The following B3GALT5 variants were observed in gnomAD, a reference collection of about 807,000 sequenced individuals.
B3GALT5 encodes the protein UDP-Gal:betaGlcNAc beta 1,3-galactosyltransferase, polypeptide 5.
For synonymous variants in B3GALT5, 156 were observed against 158.6 expected (o/e 0.98, Z 0.12); for missense variants, 328 against 396.6 (o/e 0.83, Z 1.47).
Position 39,639,339 on chromosome 21 carries a change from TTTCTTTCTTTCCTTCCTTCC to T in B3GALT5, c.-391-7049_-391-7030del, listed in dbSNP as rs1294515887. Among the ~76,000 whole-genome samples, 60 of 108,282 alleles carry T rather than the reference TTTCTTTCTTTCCTTCCTTCC, an allele frequency of 5.5e-4. No individual in the cohort carries two copies. The East Asian group carries it at 0.011, about 20-fold the overall frequency. The allele number at this position is 108,282 out of a possible 152,430, so 71.0% of individuals were successfully genotyped here. ...CTTTCTTTCTTTCTTTCTTTCTTTC[TTTCTTTCTTTCCTTCCTTCC>T]TTCCTTCCTTCCTTCCTTCCTTCCT... On this transcript the variant is annotated intron_variant, in intron 1 of 3. Transcript: ENST00000684187.
chr21:39,632,299 G>A (rs62222824), intron 1 of B3GALT5, among the ~76,000 whole-genome samples: 20,913 of 152,184 alleles, frequency 0.14, 1,754 homozygotes, highest in East Asian at 0.32. Context: ...AAATATTCCT[G>A]TGTTAACTAT....
Position 39,665,844 on chromosome 21 carries a change from T to A in B3GALT5, c.*4352T>A, listed in dbSNP as rs148802698. 1 of 152,212 alleles carries A rather than the reference T, an allele frequency of 6.6e-6. No homozygotes were observed. The highest frequency in any genetic ancestry group is 2.4e-5 in the African/African-American group (1 of 41,440). The allele number at this position is 152,212 out of a possible 1,614,324, so 9.4% of individuals were successfully genotyped here. ...TGTAATATCTGTTTATTATAACATATCTATATTTTATGGTTTATGTTTCAC... is the reference window on the plus strand; with the variant it reads ...TGTAATATCTGTTTATTATAACATAACTATATTTTATGGTTTATGTTTCAC... On this transcript the variant is annotated 3_prime_UTR_variant, in exon 4 of 4. Coordinates refer to ENST00000684187, the MANE Select transcript of B3GALT5 (RefSeq NM_001356336.2).
At chr21:39,632,434 C>T (rs960975730) in intron 1 of B3GALT5, among the ~76,000 whole-genome samples, 3 of 152,124 alleles carry the variant, frequency 2.0e-5, no homozygotes, top group Non-Finnish European at 4.4e-5. Context: ...GTGGTGAGTA[C>T]AGGCTGTCTG....
chr21:39,663,131 G>C lies in B3GALT5; in HGVS notation c.*1639G>C, dbSNP rs916805208. ...TTTGAAGCCCAAATTTAAGAGCCAC[G>C]CCTCTCGGTTCCATAGGATGGGCCG... On this transcript the variant is annotated 3_prime_UTR_variant, in exon 4 of 4. Transcript: ENST00000684187. The C allele has an allele frequency of 6.6e-6, 1 of 152,218 alleles. No individual in the cohort carries two copies. Among genetic ancestry groups the C allele is most frequent in the African/African-American group, 2.4e-5 (1 of 41,448 alleles). 9.4% of individuals were successfully genotyped at this position (152,218 alleles called of 1,614,324 possible).
chr21:39,621,648 A>G (rs2079135054), intron 1 of B3GALT5, among the ~76,000 whole-genome samples: 1 of 152,090 alleles, frequency 6.6e-6, no homozygotes, highest in South Asian at 2.1e-4. Context: ...AACTACATTA[A>G]TTCATGATTT....
In B3GALT5 at chr21:39,614,219, C is replaced by G. The variant is rs79938720; in HGVS notation, c.-392+1152C>G. ...TGCGTGTAATATGCAAATTTGGTTT[C>G]AAAGGGAGAATTTTATATCTTTTAA... On this transcript the variant is annotated intron_variant, in intron 1 of 3. Transcript: ENST00000684187. Among the ~76,000 whole-genome samples the G allele has an allele frequency of 4.6e-3, 698 of 152,258 alleles. 7 individuals carry two copies. Among genetic ancestry groups the G allele is most frequent in the African/African-American group, 0.016 (659 of 41,540 alleles).
At chr21:39,617,235 A>G (rs1300798685) in intron 1 of B3GALT5, among the ~76,000 whole-genome samples, 2 of 152,226 alleles carry the variant, frequency 1.3e-5, no homozygotes, top group Non-Finnish European at 2.9e-5. Flanking sequence ...ATGGTTTCGT[A>G]TGGTCCTACT....
At chr21:39,657,784 G>T in intron 2 of B3GALT5, 1 of 1,078,586 alleles carries the variant, frequency 9.3e-7, no homozygotes, top group South Asian at 4.7e-5. Context: ...GATCTCTCTA[G>T]AGAACCCTGA....
At chr21:39,615,665 G>A (rs1020089258) in intron 1 of B3GALT5, among the ~76,000 whole-genome samples, 1 of 152,122 alleles carries the variant, frequency 6.6e-6, no homozygotes, top group East Asian at 1.9e-4. Flanking sequence ...TATGACCTTC[G>A]GCAAGTTACT....
At chr21:39,650,824 C>G (rs925606719) in intron 2 of B3GALT5, among the ~76,000 whole-genome samples, 1 of 151,472 alleles carries the variant, frequency 6.6e-6, no homozygotes, top group African/African-American at 2.4e-5. Flanking sequence ...CTACTATCAC[C>G]ATTTTTAAAA....
intron 2 of B3GALT5, among the ~76,000 whole-genome samples, chr21:39,656,489 A>G (rs932507423): frequency 4.0e-5 from 6 of 151,868 alleles, no homozygotes; most frequent in Admixed American, 1.3e-4. Context: ...CTTCCTCTCC[A>G]CCGAGGGCCA....
In B3GALT5 at chr21:39,671,287, TTTAA is replaced by T. The variant is rs1158282488; in HGVS notation, c.*9806_*9809del. On this transcript the variant is annotated 3_prime_UTR_variant, in exon 4 of 4. Coordinates refer to ENST00000684187, the MANE Select transcript of B3GALT5 (RefSeq NM_001356336.2). ...ATTATTTGCTTTCTCATAACATTTTTTTAATTAATTAATTTTCAGCGTTTGTTAT... is the reference window on the plus strand; with the variant it reads ...ATTATTTGCTTTCTCATAACATTTTTTTAATTAATTTTCAGCGTTTGTTAT... 4 of 152,358 alleles carry T rather than the reference TTTAA, an allele frequency of 2.6e-5. No individual in the cohort carries two copies. The East Asian group carries it at 5.8e-4, about 22-fold the overall frequency. The allele number at this position is 152,358 out of a possible 1,614,324, so 9.4% of individuals were successfully genotyped here. A position where few individuals can be genotyped will look rare whatever the true frequency, so the allele number is the denominator to read the frequency against.
chr21:39,620,855 C>T (rs1325944579), intron 1 of B3GALT5, among the ~76,000 whole-genome samples: 7 of 152,132 alleles, frequency 4.6e-5, no homozygotes, highest in Admixed American at 4.6e-4. Context: ...TGTGGTCTGA[C>T]ATAATAATCA....
intron 1 of B3GALT5, among the ~76,000 whole-genome samples, chr21:39,633,101 T>A (rs965113588): frequency 1.3e-5 from 2 of 152,094 alleles, no homozygotes; most frequent in African/African-American, 4.8e-5. Flanking sequence ...GCTAAGTGAT[T>A]TAGATCTGGG....
intron 2 of B3GALT5, among the ~76,000 whole-genome samples, chr21:39,649,663 A>G (rs1421730234): frequency 6.6e-6 from 1 of 152,036 alleles, no homozygotes; most frequent in Non-Finnish European, 1.5e-5. Context: ...CCCAGGGGCG[A>G]GGGGGATTCT....
chr21:39,654,420 T>C (rs948056141), intron 2 of B3GALT5, among the ~76,000 whole-genome samples: 1 of 152,222 alleles, frequency 6.6e-6, no homozygotes, highest in Admixed American at 6.5e-5. Flanking sequence ...CTGCCTCTTA[T>C]GATGAACAAA....
rs2079492966 is a variant in B3GALT5 at position 39,659,902 on chromosome 21, C to A, written c.-11C>A. On this transcript the variant is annotated 5_prime_UTR_variant, in exon 3 of 4. Coordinates refer to ENST00000684187, the MANE Select transcript of B3GALT5 (RefSeq NM_001356336.2). ...GCTTTCAAACCAGAGGTTCCTCTTA[C>A]CCAGCAAAAAGTGAGTTATACGCTT... 1 of 985,094 alleles carries A rather than the reference C, an allele frequency of 1.0e-6. No individual in the cohort carries two copies. The highest frequency in any genetic ancestry group is 1.7e-5 in the African/African-American group (1 of 57,188). The allele number at this position is 985,094 out of a possible 1,614,324, so 61.0% of individuals were successfully genotyped here.
chr21:39,671,009 A>G lies in B3GALT5; in HGVS notation c.*9517A>G, dbSNP rs1172602408. ...CATGGTTCTAGAGGCTAGGAAGTCC[A>G]AGAGCTTGGCACTGGCCTCTGGTGA... On this transcript the variant is annotated 3_prime_UTR_variant, in exon 4 of 4. Transcript: ENST00000684187. 6.6e-6 allele frequency: 1 copy of G among 152,286 alleles called. No individual in the cohort carries two copies. The highest frequency in any genetic ancestry group is 1.5e-5 in the Non-Finnish European group (1 of 68,062). The allele number at this position is 152,286 out of a possible 1,614,324, so 9.4% of individuals were successfully genotyped here. A position where few individuals can be genotyped will look rare whatever the true frequency, so the allele number is the denominator to read the frequency against.
chr21:39,629,118 A>G (rs901709335), intron 1 of B3GALT5, among the ~76,000 whole-genome samples: 7 of 151,992 alleles, frequency 4.6e-5, no homozygotes, highest in East Asian at 1.9e-4. Context: ...GGTTCAAGCA[A>G]TTCTCCCTGC....
Sources: allele counts gnomAD v4.1 joint callset (sites outside exome capture counted in the v4.1 genomes callset), GRCh38; gene constraint gnomAD v4.1.1; transcripts MANE v1.5; gene names NCBI Gene and HGNC (gene_info 2026-07-23, HGNC 2026-07-21).